The following TBC1D22A variants were observed in gnomAD, a reference collection of about 807,000 sequenced individuals.
The protein encoded by TBC1D22A is putative GTPase activator.
TBC1D22A carries 38 observed loss-of-function variants against 60.2 expected under a neutral mutation model. The observed-to-expected ratio is 0.63, with a 90% confidence interval of 0.49 to 0.83. The LOEUF (loss-of-function observed/expected upper bound fraction) is 0.83, where lower values mean the gene tolerates loss of function less well. TBC1D22A is among the 40% of genes least tolerant of loss of function. TBC1D22A has a pLI of 0.00. For synonymous variants in TBC1D22A, 302 were observed against 281.7 expected (o/e 1.07, Z -0.72); for missense variants, 628 against 701.0 (o/e 0.90, Z 1.18).
intron 4 of TBC1D22A, among the ~76,000 whole-genome samples, chr22:46,850,780 A>G (rs1247451529): frequency 6.6e-6 from 1 of 152,222 alleles, no homozygotes; most frequent in Non-Finnish European, 1.5e-5. Flanking sequence ...TAATAGCCAA[A>G]AAAGGGGAAA....
intron 9 of TBC1D22A, among the ~76,000 whole-genome samples, chr22:46,997,109 CCCAACTA>C (rs1569317262): frequency 6.6e-6 from 1 of 152,198 alleles, no homozygotes; most frequent in African/African-American, 2.4e-5. Flanking sequence ...CCTGAGTTCA[CCCAACTA>C]TATCTCTGAG....
At chr22:47,119,470 G>A (rs2066192557) in intron 12 of TBC1D22A, among the ~76,000 whole-genome samples, 1 of 151,560 alleles carries the variant, frequency 6.6e-6, no homozygotes, top group South Asian at 2.1e-4. Context: ...CATTCCTGCT[G>A]TTATAACAAA....
chr22:47,002,885 C>A (rs1451323202), intron 10 of TBC1D22A, among the ~76,000 whole-genome samples: 1 of 152,178 alleles, frequency 6.6e-6, no homozygotes, highest in Non-Finnish European at 1.5e-5. Flanking sequence ...CTGAACTTAG[C>A]TTGCAAGGAG....
chr22:46,803,084 A>G (rs1047428607), intron 4 of TBC1D22A, among the ~76,000 whole-genome samples: 2 of 152,082 alleles, frequency 1.3e-5, no homozygotes, highest in African/African-American at 2.4e-5. Context: ...AAATGCTCCC[A>G]TGGTTACAGC....
intron 8 of TBC1D22A, among the ~76,000 whole-genome samples, chr22:46,923,330 A>G (rs35047897): frequency 2.6e-5 from 4 of 152,204 alleles, no homozygotes; most frequent in Admixed American, 6.5e-5. Flanking sequence ...TCTGCTCCCA[A>G]GAGACCAGTG....
rs114679326 is a variant in TBC1D22A, at chr22:46,970,806, C to T, written c.1016-3484C>T. On this transcript the variant is annotated intron_variant, in intron 8 of 12. Transcript: ENST00000337137. ...TCTAACAGATAGAAGCCAGGGAAAA[C>T]CTGCTGATCTTGCCTGCAGTTCCGC... Among the ~76,000 whole-genome samples, 298 of 152,280 alleles carry T rather than the reference C, an allele frequency of 2.0e-3. 5 individuals carry two copies. The highest frequency in any genetic ancestry group is 7.0e-3 in the African/African-American group (292 of 41,562).
At chr22:47,165,561 C>T (rs866711442) in intron 12 of TBC1D22A, among the ~76,000 whole-genome samples, 3 of 151,386 alleles carry the variant, frequency 2.0e-5, no homozygotes, top group Admixed American at 1.3e-4. Flanking sequence ...GCAGGCATGT[C>T]GCCCGCCCCA....
chr22:46,878,530 A>G, intron 4 of TBC1D22A, 123 bp from the exon 5 acceptor site: 1 of 769,414 alleles, frequency 1.3e-6, no homozygotes, highest in Non-Finnish European at 2.3e-6. Context: ...TTGATGATTT[A>G]GTTTAATTTG....
chr22:46,930,137 G>A (rs2147885280), intron 8 of TBC1D22A, among the ~76,000 whole-genome samples: 1 of 152,298 alleles, frequency 6.6e-6, no homozygotes, highest in African/African-American at 2.4e-5. Context: ...CTGTCTTTGG[G>A]ACCTTGCTGT....
intron 8 of TBC1D22A, among the ~76,000 whole-genome samples, chr22:46,936,219 G>T (rs932726610): frequency 3.3e-5 from 5 of 152,172 alleles, no homozygotes; most frequent in African/African-American, 9.7e-5. Context: ...TTGCCTTTGC[G>T]CTGTGATTGG....
At chr22:47,121,918 C>T (rs1412681117) in intron 12 of TBC1D22A, among the ~76,000 whole-genome samples, 2 of 151,734 alleles carry the variant, frequency 1.3e-5, no homozygotes, top group Non-Finnish European at 2.9e-5. Flanking sequence ...CCTCGGGTGT[C>T]CTGCCGTGCC....
intron 10 of TBC1D22A, among the ~76,000 whole-genome samples, chr22:47,020,344 G>A (rs747093833): frequency 1.3e-5 from 2 of 152,120 alleles, no homozygotes; most frequent in Non-Finnish European, 1.5e-5. Flanking sequence ...ACAGTGCGTC[G>A]GGAGAGAGGG....
At chr22:47,144,672 G>A (rs974490503) in intron 12 of TBC1D22A, among the ~76,000 whole-genome samples, 1 of 152,144 alleles carries the variant, frequency 6.6e-6, no homozygotes, top group Non-Finnish European at 1.5e-5. Context: ...GGGACTTCAC[G>A]GGTGCAGCCC....
intron 10 of TBC1D22A, among the ~76,000 whole-genome samples, chr22:47,016,407 A>G (rs2061913578): frequency 1.3e-5 from 2 of 152,102 alleles, no homozygotes; most frequent in Admixed American, 1.3e-4. Flanking sequence ...AGGAACCCTC[A>G]TGTGGCCCAG....
intron 11 of TBC1D22A, among the ~76,000 whole-genome samples, chr22:47,062,658 G>T (rs1033790934): frequency 2.6e-5 from 4 of 152,194 alleles, no homozygotes; most frequent in Non-Finnish European, 5.9e-5. Context: ...AGGAACACGA[G>T]GCAAATCCCT....
intron 9 of TBC1D22A, among the ~76,000 whole-genome samples, chr22:46,988,646 C>T (rs1333906678): frequency 6.6e-6 from 1 of 152,218 alleles, no homozygotes; most frequent in African/African-American, 2.4e-5. Flanking sequence ...CAACAGTGGG[C>T]TTCAAATACT....
intron 12 of TBC1D22A, among the ~76,000 whole-genome samples, chr22:47,118,096 C>T (rs1000385572): frequency 7.2e-5 from 11 of 151,796 alleles, no homozygotes; most frequent in South Asian, 6.3e-4. Context: ...GCACTCCAGC[C>T]GGGGCGACAG....
At chr22:47,020,358 C>G (rs1449555652) in intron 10 of TBC1D22A, among the ~76,000 whole-genome samples, 1 of 152,148 alleles carries the variant, frequency 6.6e-6, no homozygotes. Context: ...GAGAGGGACT[C>G]TATCCGGGGA....
At chr22:46,897,392 A>T (rs5767385) in intron 7 of TBC1D22A, among the ~76,000 whole-genome samples, 85,924 of 151,904 alleles carry the variant, frequency 0.57, 27,078 homozygotes, top group Middle Eastern at 0.79. Flanking sequence ...GAAGTGAAGC[A>T]CCCTATGCAA....
Sources: gnomAD v4.1 joint callset for allele counts (sites outside exome capture counted in the v4.1 genomes callset) on GRCh38, gnomAD v4.1.1 for gene constraint, MANE v1.5 for transcripts, NCBI Gene and HGNC (gene_info 2026-07-23, HGNC 2026-07-21) for gene names.